CDH4: variants seen among roughly 807,000 people sequenced by gnomAD.
CDH4 encodes the protein cadherin-4.
CDH4 carries 33 observed loss-of-function variants against 86.0 expected under a neutral mutation model. That is an observed-to-expected ratio of 0.38 (90% CI 0.29 to 0.51). CDH4 has a LOEUF of 0.51. Among genes scored for constraint, CDH4 ranks in the 20% least tolerant of loss-of-function variants. The pLI is 0.86. For synonymous variants in CDH4, 555 were observed against 549.4 expected, an observed-to-expected ratio of 1.01 and a Z score of -0.14; for missense variants, 1,114 against 1,307.4, an observed-to-expected ratio of 0.85 and a Z score of 2.28.
intron 2 of CDH4, among the ~76,000 whole-genome samples, chr20:61,532,673 A>T (rs1048583166): frequency 2.0e-5 from 3 of 152,204 alleles, no homozygotes; most frequent in Non-Finnish European, 4.4e-5. Flanking sequence ...TAATCTGATC[A>T]GCCAATGTTT....
rs888579665 is a variant in CDH4 at position 61,810,734 on chromosome 20, G to A, written c.577-33934G>A. Among the ~76,000 whole-genome samples, 8 of 152,172 alleles carry A rather than the reference G, an allele frequency of 5.3e-5. No individual in the cohort carries two copies. The highest frequency in any genetic ancestry group is 1.9e-4 in the African/African-American group (8 of 41,442). ...CTAGATGACGTGTAGCCGCATTCAG[G>A]GTCTGGCTGCCAGGGCAGAACCAAG... On this transcript the variant is annotated intron_variant, in intron 4 of 15. Transcript: ENST00000614565. This position sits in a 1 kb window ranked among gnomAD's most constrained non-coding sequence, Gnocchi z 4.3.
At chr20:61,265,530 C>G (rs2084153931) in intron 2 of CDH4, among the ~76,000 whole-genome samples, 1 of 152,050 alleles carries the variant, frequency 6.6e-6, no homozygotes, top group South Asian at 2.1e-4. Context: ...TTCCTTCATT[C>G]AATCTTACAC....
intron 2 of CDH4, among the ~76,000 whole-genome samples, chr20:61,540,155 A>T (rs1345842773): frequency 6.6e-6 from 1 of 152,176 alleles, no homozygotes; most frequent in African/African-American, 2.4e-5. Context: ...CTGGCACCAC[A>T]TGGACACTCG....
rs370306312 is a variant in CDH4 at position 61,910,310 on chromosome 20, C to A, written c.1189-112C>A. On this transcript the variant is annotated intron_variant, in intron 8 of 15. Transcript: ENST00000614565. Reference sequence around the variant, plus strand: ...TGTGAACACTCGAGCTGGGCTGACACGGTGTGTTCTGTTTGTGAACACTCG... The same window carrying A: ...TGTGAACACTCGAGCTGGGCTGACAAGGTGTGTTCTGTTTGTGAACACTCG... 4 of 895,898 alleles carry A rather than the reference C, an allele frequency of 4.5e-6. No homozygotes were observed. The Admixed American group carries it at 6.2e-5, about 14-fold the overall frequency. 55.5% of individuals were successfully genotyped at this position (895,898 alleles called of 1,614,324 possible).
intron 2 of CDH4, among the ~76,000 whole-genome samples, chr20:61,618,156 C>G (rs920565473): frequency 6.6e-5 from 10 of 152,076 alleles, no homozygotes; most frequent in Admixed American, 2.6e-4. Context: ...TAATACAGGG[C>G]CGGTGCTGGC....
At chr20:61,572,512 G>A (rs933465310) in intron 2 of CDH4, among the ~76,000 whole-genome samples, 2 of 152,150 alleles carry the variant, frequency 1.3e-5, no homozygotes, top group Admixed American at 1.3e-4. Flanking sequence ...CTCTCCTGGA[G>A]GAGGGGGAAC....
chr20:61,743,476 C>G, intron 2 of CDH4, 87 bp from the exon 3 acceptor site: 1 of 981,504 alleles, frequency 1.0e-6, no homozygotes, highest in Non-Finnish European at 1.6e-6. Context: ...CACTGGGGGC[C>G]TGTAGGGCGT....
intron 2 of CDH4, among the ~76,000 whole-genome samples, chr20:61,692,127 GTGTGTGTC>G (rs906267077): frequency 2.7e-5 from 4 of 149,380 alleles, no homozygotes; most frequent in African/African-American, 1.0e-4. Flanking sequence ...GTGTGTGTCT[GTGTGTGTC>G]TGTATGTATG....
intron 2 of CDH4, among the ~76,000 whole-genome samples, chr20:61,596,184 A>G (rs974586338): frequency 1.3e-5 from 2 of 152,196 alleles, no homozygotes; most frequent in Non-Finnish European, 2.9e-5. Context: ...CTTTACCTGT[A>G]AAGTTTTCTT....
chr20:61,658,467 G>A (rs2087216183), intron 2 of CDH4, among the ~76,000 whole-genome samples: 1 of 152,224 alleles, frequency 6.6e-6, no homozygotes, highest in Non-Finnish European at 1.5e-5. Flanking sequence ...CACTTGGGGT[G>A]CTCTGATCTA....
intron 2 of CDH4, among the ~76,000 whole-genome samples, chr20:61,632,780 C>T (rs1232292441): frequency 6.6e-6 from 1 of 151,392 alleles, no homozygotes; most frequent in African/African-American, 2.4e-5. Context: ...ACCCACTGAC[C>T]CGTCTGCCTA....
chr20:61,910,849 A>G (rs749583301), intron 9 of CDH4, among the ~76,000 whole-genome samples: 1 of 152,136 alleles, frequency 6.6e-6, no homozygotes, highest in Non-Finnish European at 1.5e-5. Context: ...CAATGTCTAT[A>G]TATTCACTCC....
In CDH4 at chr20:61,303,460, C is replaced by T. The variant is rs1346784314; in HGVS notation, c.169+48523C>T. On this transcript the variant is annotated intron_variant, in intron 2 of 15. Transcript: ENST00000614565. ...CTGCCCCGTCTGGCCCTGCTCTTGCCATTTTTTTCCAGCTCCTCTGGCTGC... is the reference window on the plus strand; with the variant it reads ...CTGCCCCGTCTGGCCCTGCTCTTGCTATTTTTTTCCAGCTCCTCTGGCTGC... Among the ~76,000 whole-genome samples the T allele has an allele frequency of 4.7e-5, 3 of 63,432 alleles. No individual in the cohort carries two copies. The East Asian group carries it at 1.6e-3, about 35-fold the overall frequency. The allele number at this position is 63,432 out of a possible 152,430, so 41.6% of individuals were successfully genotyped here.
chr20:61,351,224 G>A (rs1236571330), intron 2 of CDH4, among the ~76,000 whole-genome samples: 2 of 129,080 alleles, frequency 1.5e-5, no homozygotes, highest in Non-Finnish European at 3.2e-5. Flanking sequence ...AATTGTGCCT[G>A]TACTGAACAT....
In CDH4 at chr20:61,393,382, T is replaced by C. The variant is rs6061667; in HGVS notation, c.169+138445T>C. On this transcript the variant is annotated intron_variant, in intron 2 of 15. Coordinates refer to ENST00000614565, the MANE Select transcript of CDH4 (RefSeq NM_001794.5). This position sits in a 1 kb window ranked among gnomAD's most constrained non-coding sequence, Gnocchi z 4.3. ...TCTTCCTTACCTCCTAGCTTGTGTA[T>C]GGATCAACAACCACCAGCCCCTCTG... 3.3e-5 allele frequency among the ~76,000 whole-genome samples: 5 copies of C among 152,134 alleles called. No individual in the cohort carries two copies. In the South Asian group the frequency reaches 1.0e-3, roughly 32 times the overall value.
chr20:61,418,765 T>G (rs1190104122), intron 2 of CDH4, among the ~76,000 whole-genome samples: 1 of 152,096 alleles, frequency 6.6e-6, no homozygotes, highest in Non-Finnish European at 1.5e-5. Context: ...GCTGGTTCCT[T>G]CAGGGGCTCC....
At chr20:61,495,902 C>CAAAAAAA in intron 2 of CDH4, among the ~76,000 whole-genome samples, 1 of 58,400 alleles carries the variant, frequency 1.7e-5, no homozygotes, top group Non-Finnish European at 3.1e-5. Context: ...GACTCCATCT[C>CAAAAAAA]AAAAAAAAAA....
At chr20:61,844,464 C>T (rs1324215715) in intron 4 of CDH4, among the ~76,000 whole-genome samples, 2 of 152,140 alleles carry the variant, frequency 1.3e-5, no homozygotes, top group African/African-American at 2.4e-5. Flanking sequence ...GGCCCTAGAC[C>T]TGCAGTCGGC....
chr20:61,720,531 G>A (rs894048090), intron 2 of CDH4, among the ~76,000 whole-genome samples: 22 of 121,304 alleles, frequency 1.8e-4, no homozygotes, highest in African/African-American at 6.6e-4. Flanking sequence ...GAGTGGAGGG[G>A]TATGGGGTGC....
Sources: gnomAD v4.1 joint callset for allele counts (sites outside exome capture counted in the v4.1 genomes callset) on GRCh38, gnomAD v4.1.1 for gene constraint, Gnocchi (gnomAD v3.1) non-coding constraint, MANE v1.5 for transcripts, NCBI Gene and HGNC (gene_info 2026-07-23, HGNC 2026-07-21) for gene names.